ASAP2: variants seen among roughly 807,000 people sequenced by gnomAD.
ASAP2 encodes the protein arf-GAP with SH3 domain, ANK repeat and PH domain-containing protein 2.
Under a neutral mutation model 131.4 loss-of-function variants are expected in ASAP2, and 45 were observed. The ratio of observed to expected loss-of-function variants is 0.34; its 90% CI spans 0.27 to 0.44. ASAP2 has a LOEUF of 0.44. ASAP2 is among the 20% of genes least tolerant of loss of function. The pLI, the probability that ASAP2 is intolerant of heterozygous loss-of-function variation, is 1.00. For missense variants in ASAP2, 1,011 were observed against 1,297.0 expected (o/e 0.78, Z 3.39); for synonymous variants, 510 against 503.0 (o/e 1.01, Z -0.19).
At chr2:9,380,833 G>C in intron 20 of ASAP2, 25 bp downstream of exon 20, 1 of 1,611,576 alleles carries the variant, frequency 6.2e-7, no homozygotes. Context: ...ACAAGGACGG[G>C]GTGGGGCACC....
At chr2:9,380,939 C>T (rs548884634) in intron 20 of ASAP2, 131 bp downstream of exon 20, 41 of 1,002,132 alleles carry the variant, frequency 4.1e-5, no homozygotes, top group East Asian at 1.7e-4. Context: ...TGGGATGAGC[C>T]GAGAATCAGC....
At chr2:9,347,967 C>T (rs1282222227) in intron 11 of ASAP2, among the ~76,000 whole-genome samples, 1 of 152,238 alleles carries the variant, frequency 6.6e-6, no homozygotes, top group East Asian at 1.9e-4. Flanking sequence ...ATGGCAAACT[C>T]TAAAGCTGTT....
intron 14 of ASAP2, among the ~76,000 whole-genome samples, chr2:9,358,179 G>A (rs543275649): frequency 5.9e-5 from 9 of 152,260 alleles, no homozygotes; most frequent in African/African-American, 2.2e-4. Context: ...CCCTGCCCTG[G>A]TCATCTCATG....
Position 9,374,970 on chromosome 2 carries a change from T to C in ASAP2, c.1746+26T>C, listed in dbSNP as rs1019321855. The C allele has an allele frequency of 4.3e-6, 6 of 1,382,572 alleles. No individual in the cohort carries two copies. The Admixed American group carries it at 7.4e-5, about 17-fold the overall frequency. 85.6% of individuals were successfully genotyped at this position (1,382,572 alleles called of 1,614,324 possible). A position where few individuals can be genotyped will look rare whatever the true frequency, so the allele number is the denominator to read the frequency against. On this transcript the variant is annotated intron_variant, in intron 17 of 27. Coordinates refer to ENST00000281419, the MANE Select transcript of ASAP2 (RefSeq NM_003887.3). ...GTAAGAGTGTGGGTTGTTGCTACTT[T>C]AAAAAAAAAAAAAAGGCCGGCCACG... is the stretch of plus-strand genomic sequence containing the variant.
chr2:9,335,317 G>T, intron 9 of ASAP2, 138 bp downstream of exon 9: 1 of 697,850 alleles, frequency 1.4e-6, no homozygotes, highest in Non-Finnish European at 2.5e-6. Flanking sequence ...AACATTTAAT[G>T]TATTCTTGCA....
intron 17 of ASAP2, among the ~76,000 whole-genome samples, chr2:9,376,675 G>C (rs551145873): frequency 6.6e-6 from 1 of 152,286 alleles, no homozygotes; most frequent in East Asian, 1.9e-4. Flanking sequence ...TGAAACTCCT[G>C]AACTTCTCAT....
intron 3 of ASAP2, among the ~76,000 whole-genome samples, chr2:9,315,360 T>G (rs530084564): frequency 6.6e-6 from 1 of 152,212 alleles, no homozygotes; most frequent in Admixed American, 6.5e-5. Flanking sequence ...GCCAAGGCAG[T>G]GGACGTGAGA....
intron 1 of ASAP2, among the ~76,000 whole-genome samples, chr2:9,239,173 A>G (rs957523728): frequency 1.3e-5 from 2 of 152,180 alleles, no homozygotes; most frequent in African/African-American, 2.4e-5. Flanking sequence ...AGATGACCAT[A>G]TGGTTTCCCT....
At chr2:9,322,390 AAG>A (rs1223285495) in intron 5 of ASAP2, among the ~76,000 whole-genome samples, 2 of 152,188 alleles carry the variant, frequency 1.3e-5, no homozygotes, top group Non-Finnish European at 2.9e-5. Flanking sequence ...GCTCTACAGA[AAG>A]AGCTGCTTCC....
chr2:9,369,081 C>T (rs751984047), intron 16 of ASAP2, among the ~76,000 whole-genome samples: 2 of 151,612 alleles, frequency 1.3e-5, no homozygotes, highest in African/African-American at 2.4e-5. Context: ...TGCAGTGGCA[C>T]GATCTCGGCT....
chr2:9,403,422 T>C lies in ASAP2; in HGVS notation c.*95T>C, dbSNP rs1199865538. Reference sequence around the variant, plus strand: ...TAACCAGTTTCATGAACTGTTTGTATGGCAGCCCATGTTCTCTAATGCCAC... The same window carrying C: ...TAACCAGTTTCATGAACTGTTTGTACGGCAGCCCATGTTCTCTAATGCCAC... On this transcript the variant is annotated 3_prime_UTR_variant, in exon 28 of 28. Coordinates refer to ENST00000281419, the MANE Select transcript of ASAP2 (RefSeq NM_003887.3). 17 of 1,186,822 alleles carry C rather than the reference T, an allele frequency of 1.4e-5. No homozygotes were observed. The highest frequency in any genetic ancestry group is 2.0e-5 in the Non-Finnish European group (16 of 818,624). The allele number at this position is 1,186,822 out of a possible 1,614,324, so 73.5% of individuals were successfully genotyped here.
chr2:9,346,623 A>G (rs1170549130), intron 11 of ASAP2, among the ~76,000 whole-genome samples: 1 of 152,122 alleles, frequency 6.6e-6, no homozygotes, highest in Non-Finnish European at 1.5e-5. Context: ...TTGCTTTCGA[A>G]TTGGTGTCCA....
At chr2:9,334,010 T>TTC (rs1275386211) in intron 7 of ASAP2, among the ~76,000 whole-genome samples, 4 of 149,238 alleles carry the variant, frequency 2.7e-5, no homozygotes, top group South Asian at 2.1e-4. Context: ...TCTGCATTAT[T>TTC]TCTCTCTCTC....
intron 3 of ASAP2, among the ~76,000 whole-genome samples, chr2:9,305,279 T>G (rs1668804473): frequency 6.7e-6 from 1 of 149,750 alleles, no homozygotes; most frequent in Non-Finnish European, 1.5e-5. Context: ...TAGTGGGGTA[T>G]AGATGTTGGT....
intron 6 of ASAP2, among the ~76,000 whole-genome samples, chr2:9,327,617 A>C (rs570291684): frequency 4.6e-5 from 7 of 152,160 alleles, no homozygotes; most frequent in Admixed American, 4.6e-4. Flanking sequence ...TGGCACTTCA[A>C]TATTTAATTA....
Position 9,373,700 on chromosome 2 carries a change from C to G in ASAP2, c.1557-1055C>G, listed in dbSNP as rs867892168. ...GGAGGGAACCGTGCGGGGACTCCAG[C>G]TCGAAGGGGAGCAGCCGCATTTGTC... On this transcript the variant is annotated intron_variant, in intron 16 of 27. Transcript: ENST00000281419. Among the ~76,000 whole-genome samples the G allele has an allele frequency of 7.2e-5, 11 of 152,368 alleles. 1 individual carries two copies. In the Middle Eastern group the frequency reaches 0.024, roughly 330 times the overall value.
Position 9,397,208 on chromosome 2 carries a change from T to C in ASAP2, c.2685-2815T>C, listed in dbSNP as rs567992340. Reference sequence around the variant, plus strand: ...TTTACGCTTTCCATGCTGCTGTTTTTCGAGAGAAACAAATCACGTGTTGAA... The same window carrying C: ...TTTACGCTTTCCATGCTGCTGTTTTCCGAGAGAAACAAATCACGTGTTGAA... On this transcript the variant is annotated intron_variant, in intron 24 of 27. Transcript: ENST00000281419. Among the ~76,000 whole-genome samples the C allele has an allele frequency of 7.9e-5, 12 of 152,308 alleles. No homozygotes were observed. The South Asian group carries it at 2.1e-3, about 26-fold the overall frequency.
intron 2 of ASAP2, among the ~76,000 whole-genome samples, chr2:9,294,430 G>T (rs763720059): frequency 6.6e-6 from 1 of 152,144 alleles, no homozygotes; most frequent in Non-Finnish European, 1.5e-5. Flanking sequence ...CAGTGAGAAG[G>T]CCGGCTCCTC....
intron 1 of ASAP2, among the ~76,000 whole-genome samples, chr2:9,264,190 C>CAAAA (rs113543532): frequency 1.0e-3 from 123 of 123,612 alleles, no homozygotes; most frequent in African/African-American, 3.5e-3. Context: ...GACCCTGTCT[C>CAAAA]AAAAAAATAA....
Sources: gnomAD v4.1 joint callset for allele counts (sites outside exome capture counted in the v4.1 genomes callset) on GRCh38, gnomAD v4.1.1 for gene constraint, MANE v1.5 for transcripts, NCBI Gene and HGNC (gene_info 2026-07-23, HGNC 2026-07-21) for gene names.